TNNI3K: variants seen among roughly 807,000 people sequenced by gnomAD.
TNNI3K encodes the protein serine/threonine-protein kinase TNNI3K.
Under a neutral mutation model 114.5 loss-of-function variants are expected in TNNI3K, and 140 were observed. The ratio of observed to expected loss-of-function variants is 1.22; its 90% CI spans 1.07 to 1.41. The LOEUF is 1.41. TNNI3K is among the 40% of genes most tolerant of loss of function. The pLI, the probability that TNNI3K is intolerant of heterozygous loss-of-function variation, is 0.00. For synonymous variants in TNNI3K, 347 were observed against 347.5 expected, an observed-to-expected ratio of 1.00 and a Z score of 0.02; for missense variants, 1,125 against 1,007.6, an observed-to-expected ratio of 1.12 and a Z score of -1.58.
intron 5 of TNNI3K, among the ~76,000 whole-genome samples, chr1:74,290,066 C>T (rs950239229): frequency 6.6e-6 from 1 of 151,648 alleles, no homozygotes; most frequent in Non-Finnish European, 1.5e-5. Context: ...AAAGTGGAAA[C>T]CTCCTGTGAA....
chr1:74,527,413 A>T (rs1646517621), intron 23 of TNNI3K, among the ~76,000 whole-genome samples: 1 of 152,240 alleles, frequency 6.6e-6, no homozygotes, highest in African/African-American at 2.4e-5. Flanking sequence ...GAAAATAGGA[A>T]ACACAAGATT....
Position 74,251,391 on chromosome 1 carries a change from T to C in TNNI3K, c.333+622T>C, listed in dbSNP as rs930366462. ...TACAAATTATATTATGCATTGATCA[T>C]TTTATAATTATAATAACAATTTCTA... On this transcript the variant is annotated intron_variant, in intron 4 of 24. Coordinates refer to ENST00000326637, the MANE Select transcript of TNNI3K (RefSeq NM_015978.3). 5.4e-5 allele frequency among the ~76,000 whole-genome samples: 4 copies of C among 73,610 alleles called. No homozygotes were observed. The Admixed American group carries it at 5.5e-4, about 10-fold the overall frequency. 48.3% of individuals were successfully genotyped at this position (73,610 alleles called of 152,430 possible). A position where few individuals can be genotyped will look rare whatever the true frequency, so the allele number is the denominator to read the frequency against.
chr1:74,319,210 T>G (rs1659477526), intron 5 of TNNI3K, among the ~76,000 whole-genome samples: 1 of 152,156 alleles, frequency 6.6e-6, no homozygotes, highest in Admixed American at 6.5e-5. Flanking sequence ...AGGCTTTAAG[T>G]GCATACTTGC....
At chr1:74,480,868 G>C (rs1160461058) in intron 21 of TNNI3K, 1 of 717,426 alleles carries the variant, frequency 1.4e-6, no homozygotes, top group South Asian at 1.5e-5. Context: ...TTCTGCTTAG[G>C]GAGAGCAGGG....
chr1:74,441,282 C>A (rs1006996002), intron 20 of TNNI3K, among the ~76,000 whole-genome samples: 1 of 152,092 alleles, frequency 6.6e-6, no homozygotes, highest in Admixed American at 6.6e-5. Flanking sequence ...CCAATGACCT[C>A]ATTTCTGTCC....
At chr1:74,531,600 G>T (rs1410024003) in intron 23 of TNNI3K, among the ~76,000 whole-genome samples, 1 of 152,164 alleles carries the variant, frequency 6.6e-6, no homozygotes, top group African/African-American at 2.4e-5. Flanking sequence ...GACTCTAGTA[G>T]CCTTTTCTAT....
At chr1:74,404,119 TAAGAACAAGAGGTA>T (rs915626963) in intron 17 of TNNI3K, among the ~76,000 whole-genome samples, 2 of 152,132 alleles carry the variant, frequency 1.3e-5, no homozygotes, top group Non-Finnish European at 2.9e-5. Flanking sequence ...GCCTCTCACC[TAAGAACAAGAGGTA>T]ATGTGTATCT....
chr1:74,453,223 T>C (rs1210738139), intron 20 of TNNI3K, among the ~76,000 whole-genome samples: 1 of 152,200 alleles, frequency 6.6e-6, no homozygotes, highest in Non-Finnish European at 1.5e-5. Context: ...AAGTTGAAAG[T>C]CTTGCCTAAG....
At chr1:74,292,437 C>A (rs554910) in intron 5 of TNNI3K, among the ~76,000 whole-genome samples, 150,241 of 151,602 alleles carry the variant, frequency 0.99, 74,462 homozygotes, top group Middle Eastern at 1. Context: ...AAACATTTTT[C>A]CTTCTACTAG....
chr1:74,358,544 G>A (rs954525587), intron 11 of TNNI3K, among the ~76,000 whole-genome samples: 2 of 152,060 alleles, frequency 1.3e-5, no homozygotes, highest in Non-Finnish European at 2.9e-5. Flanking sequence ...CAAGTAAGAA[G>A]AGATAGATTC....
chr1:74,250,162 A>G (rs1654840355), intron 3 of TNNI3K, among the ~76,000 whole-genome samples: 2 of 152,150 alleles, frequency 1.3e-5, no homozygotes, highest in South Asian at 4.2e-4. Context: ...AGAAATGTGT[A>G]AGTGTCAACT....
chr1:74,413,108 C>G (rs1664964932), intron 17 of TNNI3K, among the ~76,000 whole-genome samples: 1 of 152,164 alleles, frequency 6.6e-6, no homozygotes, highest in Admixed American at 6.5e-5. Flanking sequence ...ATTCAGTCAT[C>G]TATGTGTTTA....
intron 7 of TNNI3K, among the ~76,000 whole-genome samples, 158 bp downstream of exon 7, chr1:74,336,307 A>C (rs1660460320): frequency 6.6e-6 from 1 of 152,176 alleles, no homozygotes. Flanking sequence ...TATATTTATC[A>C]GGCCTACATG....
intron 17 of TNNI3K, among the ~76,000 whole-genome samples, chr1:74,412,364 G>A (rs1212218850): frequency 6.6e-6 from 1 of 152,034 alleles, no homozygotes; most frequent in African/African-American, 2.4e-5. Flanking sequence ...ACTTAATTTA[G>A]GCAAAGAAAC....
At chr1:74,481,046 C>T in intron 21 of TNNI3K, 1 of 623,746 alleles carries the variant, frequency 1.6e-6, no homozygotes, top group Admixed American at 2.7e-5. Context: ...AGCAGAGAAT[C>T]AATATCCTCT....
At chr1:74,304,485 C>G (rs1346951307) in intron 5 of TNNI3K, among the ~76,000 whole-genome samples, 1 of 152,138 alleles carries the variant, frequency 6.6e-6, no homozygotes, top group East Asian at 1.9e-4. Context: ...CACTGTCACC[C>G]AGGCTGGAGT....
rs183365519 is a variant in TNNI3K, at chr1:74,279,773, A to G, written c.444+8065A>G. ...ACAATATATGCCTAGTACTTCACAC[A>G]TTGTGGGTGCTCTAAATGTATGTTA... On this transcript the variant is annotated intron_variant, in intron 5 of 24. Transcript: ENST00000326637. Among the ~76,000 whole-genome samples the G allele has an allele frequency of 1.0e-3, 155 of 152,352 alleles. 1 individual carries two copies. Among genetic ancestry groups the G allele is most frequent in the Non-Finnish European group, 5.7e-4 (39 of 68,030 alleles).
intron 16 of TNNI3K, chr1:74,369,882 T>C: frequency 3.3e-6 from 1 of 301,790 alleles, no homozygotes; most frequent in Non-Finnish European, 6.0e-6. Context: ...AAAGAAGATA[T>C]ATGTAAGCTC....
chr1:74,429,730 G>T (rs1482466732), intron 17 of TNNI3K, among the ~76,000 whole-genome samples: 3 of 152,114 alleles, frequency 2.0e-5, no homozygotes, highest in Non-Finnish European at 4.4e-5. Flanking sequence ...AGATGTGTTT[G>T]TAAACTAATG....
Sources: allele counts gnomAD v4.1 joint callset (sites outside exome capture counted in the v4.1 genomes callset), GRCh38; gene constraint gnomAD v4.1.1; transcripts MANE v1.5; gene names NCBI Gene and HGNC (gene_info 2026-07-23, HGNC 2026-07-21).